Variants in DCC observed in about 807,000 individuals in gnomAD.
DCC encodes the protein netrin receptor DCC.
A neutral mutation model predicts 172.5 loss-of-function variants in DCC; 58 were observed. The ratio of observed to expected loss-of-function variants is 0.34; its 90% CI spans 0.27 to 0.42. The LOEUF (loss-of-function observed/expected upper bound fraction) is 0.42, where lower values mean the gene tolerates loss of function less well. Ranked by LOEUF, DCC falls within the 10% of genes least tolerant of loss-of-function variation. The pLI is 1.00. For synonymous variants in DCC, 709 were observed against 644.5 expected (o/e 1.10, Z -1.52); for missense variants, 1,740 against 1,791.0 (o/e 0.97, Z 0.51).
chr18:52,469,676 A>ATTGTTG (rs1275617488), intron 1 of DCC, among the ~76,000 whole-genome samples: 3 of 152,210 alleles, frequency 2.0e-5, no homozygotes, highest in Non-Finnish European at 4.4e-5. Context: ...GGATATACTA[A>ATTGTTG]TTGTTGTAAC....
At chr18:52,487,614 T>G (rs1395337196) in intron 1 of DCC, among the ~76,000 whole-genome samples, 1 of 151,858 alleles carries the variant, frequency 6.6e-6, no homozygotes, top group East Asian at 1.9e-4. Flanking sequence ...AGTTCAAGAT[T>G]AGCCTGGCCA....
At chr18:53,027,734 A>G (rs2041975172) in intron 5 of DCC, among the ~76,000 whole-genome samples, 1 of 151,300 alleles carries the variant, frequency 6.6e-6, no homozygotes, top group African/African-American at 2.4e-5. Context: ...ACTTTCCCTC[A>G]CTTCCAGCCT....
chr18:53,428,397 A>ATAT (rs1372901184), intron 21 of DCC, among the ~76,000 whole-genome samples: 4 of 79,106 alleles, frequency 5.1e-5, no homozygotes, highest in African/African-American at 1.9e-4. Flanking sequence ...ATATAATATA[A>ATAT]TATAATATAT....
At chr18:52,492,335 C>A (rs770506632) in intron 1 of DCC, among the ~76,000 whole-genome samples, 5 of 151,784 alleles carry the variant, frequency 3.3e-5, no homozygotes, top group Non-Finnish European at 5.9e-5. Context: ...TTAAGAAAAC[C>A]AGGGTACTCT....
intron 7 of DCC, among the ~76,000 whole-genome samples, chr18:53,071,070 G>A (rs1393592732): frequency 6.6e-6 from 1 of 152,166 alleles, no homozygotes; most frequent in Non-Finnish European, 1.5e-5. Context: ...GTCCACAGGG[G>A]CTTGTGGCTG....
chr18:53,497,368 C>G (rs1398107697), intron 26 of DCC, among the ~76,000 whole-genome samples: 2 of 152,174 alleles, frequency 1.3e-5, no homozygotes, highest in Non-Finnish European at 1.5e-5. Context: ...TGCAATCTAA[C>G]ATTTCACAAG....
chr18:53,317,452 G>T (rs79786489), intron 13 of DCC, among the ~76,000 whole-genome samples: 6,524 of 152,042 alleles, frequency 0.043, 454 homozygotes, highest in African/African-American at 0.15. Flanking sequence ...TTTTTTTGTT[G>T]TGTCTCTGTC....
At chr18:53,163,377 A>G (rs1405135118) in intron 8 of DCC, among the ~76,000 whole-genome samples, 2 of 152,210 alleles carry the variant, frequency 1.3e-5, no homozygotes, top group East Asian at 1.9e-4. Flanking sequence ...TTATTCTAAT[A>G]TCTCCATTTA....
At position 53,437,606 on chromosome 18, in the gene DCC, A is replaced by AAAAAAAAAAAGCTC. The variant is rs1568132115; in HGVS notation, c.3229+2401_3229+2402insAAAAAAGCTCAAAA. Among the ~76,000 whole-genome samples, 2 of 147,132 alleles carry AAAAAAAAAAAGCTC rather than the reference A, an allele frequency of 1.4e-5. 1 individual carries two copies. The highest frequency in any genetic ancestry group is 5.3e-5 in the African/African-American group (2 of 37,806). On this transcript the variant is annotated intron_variant, in intron 22 of 28. Coordinates refer to ENST00000442544, the MANE Select transcript of DCC (RefSeq NM_005215.4). The stretch of plus-strand genomic sequence containing the variant: ...TCAAAAAAAAAAAAAAAAAAAAAAA[A>AAAAAAAAAAAGCTC]AAAAGCTCACAGAAGGTGAGAGGAG...
intron 5 of DCC, among the ~76,000 whole-genome samples, chr18:52,956,216 T>C (rs867836085): frequency 4.5e-4 from 68 of 152,188 alleles, no homozygotes; most frequent in African/African-American, 1.6e-3. Flanking sequence ...AGATCTATGA[T>C]CTATTTTGAG....
At chr18:53,124,971 A>C (rs1416348560) in intron 7 of DCC, among the ~76,000 whole-genome samples, 2 of 133,556 alleles carry the variant, frequency 1.5e-5, no homozygotes, top group Admixed American at 1.4e-4. Flanking sequence ...CTCCATCTCA[A>C]AAAAAAAAAA....
chr18:52,739,112 T>C (rs1181657716), intron 1 of DCC, among the ~76,000 whole-genome samples: 1 of 151,460 alleles, frequency 6.6e-6, no homozygotes, highest in East Asian at 1.9e-4. Context: ...TACATTACAA[T>C]GGCTGTGATG....
At chr18:53,230,841 T>C (rs1433126466) in intron 12 of DCC, among the ~76,000 whole-genome samples, 2 of 152,076 alleles carry the variant, frequency 1.3e-5, no homozygotes, top group Non-Finnish European at 2.9e-5. Context: ...TTTTTCTCTA[T>C]AGTTGATAGT....
chr18:52,829,493 T>C (rs967410371), intron 2 of DCC, among the ~76,000 whole-genome samples: 1 of 152,148 alleles, frequency 6.6e-6, no homozygotes, highest in African/African-American at 2.4e-5. Context: ...TCCAGAGAGA[T>C]AGGGCAGTAT....
At chr18:52,876,226 G>C (rs1158681796) in intron 2 of DCC, among the ~76,000 whole-genome samples, 2 of 152,162 alleles carry the variant, frequency 1.3e-5, no homozygotes, top group African/African-American at 4.8e-5. Flanking sequence ...CCACTTTTCT[G>C]TTTTTACATC....
At chr18:52,916,629 A>G (rs1047258772) in intron 3 of DCC, among the ~76,000 whole-genome samples, 8 of 152,228 alleles carry the variant, frequency 5.3e-5, no homozygotes, top group African/African-American at 1.9e-4. Context: ...AGATTTTTAC[A>G]TAACATAGCA....
intron 1 of DCC, among the ~76,000 whole-genome samples, chr18:52,580,565 CACAG>C (rs2033521551): frequency 6.6e-6 from 1 of 152,158 alleles, no homozygotes. Context: ...TTATAAATTA[CACAG>C]ACAAATTATT....
In DCC at chr18:53,258,953, C is replaced by G. The variant is rs943880459; in HGVS notation, c.1911+43356C>G. Among the ~76,000 whole-genome samples the G allele has an allele frequency of 5.3e-5, 8 of 152,286 alleles. No individual in the cohort carries two copies. The East Asian group carries it at 5.8e-4, about 11-fold the overall frequency. ...TCTTCTTGTTGAATTGATCCCTTTA[C>G]CATTATGTAATGGCCTTCTGTGTCT... On this transcript the variant is annotated intron_variant, in intron 12 of 28. Coordinates refer to ENST00000442544, the MANE Select transcript of DCC (RefSeq NM_005215.4).
chr18:53,482,045 C>CATTTGTGTGTTTGTGTGT (rs1344850747), intron 25 of DCC, among the ~76,000 whole-genome samples: 1 of 151,860 alleles, frequency 6.6e-6, no homozygotes, highest in African/African-American at 2.4e-5. Context: ...TGAGTTGAAG[C>CATTTGTGTGTTTGTGTGT]ATTTGTGTGT....
Sources: gnomAD v4.1 joint callset for allele counts (sites outside exome capture counted in the v4.1 genomes callset) on GRCh38, gnomAD v4.1.1 for gene constraint, MANE v1.5 for transcripts, NCBI Gene and HGNC (gene_info 2026-07-23, HGNC 2026-07-21) for gene names.